SP2: variants seen among roughly 807,000 people sequenced by gnomAD.
The protein encoded by SP2 is transcription factor Sp2.
A neutral mutation model predicts 50.1 loss-of-function variants in SP2; 9 were observed. The observed-to-expected ratio is 0.18, with a 90% CI of 0.11 to 0.31. The LOEUF (loss-of-function observed/expected upper bound fraction) is 0.31. Among genes scored for constraint, SP2 ranks in the 10% least tolerant of loss-of-function variants. The pLI is 1.00. For synonymous variants in SP2, 313 were observed against 326.6 expected (o/e 0.96, Z 0.45); for missense variants, 581 against 806.5 (o/e 0.72, Z 3.39).
chr17:47,925,085 G>A lies in SP2; in HGVS notation c.1539G>A (p.Gly513=), dbSNP rs751119941. The part of the protein sequence containing the change: ...MACTCPNCKD[G]EKRSGEQGKK... ...GCACGTGTCCCAACTGCAAGGATGG[G>A]GAGAAGAGGTAATTCAAGGAGAAGG... The change falls in exon 5 of 7, where the codon GGG becomes GGA. Residue 513 remains glycine, a synonymous_variant. Coordinates refer to ENST00000376741, the MANE Select transcript of SP2 (RefSeq NM_003110.6). 1.2e-6 allele frequency: 2 copies of A among 1,608,668 alleles called. No homozygotes were observed. Among genetic ancestry groups the A allele is most frequent in the South Asian group, 2.2e-5 (2 of 90,538 alleles).
intron 6 of SP2, 111 bp downstream of exon 6, chr17:47,925,652 C>G: frequency 1.2e-6 from 1 of 818,672 alleles, no homozygotes. Context: ...AACTGCCACA[C>G]TGAGCAAAAG....
At chr17:47,897,285 C>A (rs1873807749) in intron 1 of SP2, 1 of 152,234 alleles carries the variant, frequency 6.6e-6, no homozygotes, top group South Asian at 2.1e-4. Context: ...AACTGAGAAA[C>A]CTGTCCTCAC....
intron 3 of SP2, among the ~76,000 whole-genome samples, chr17:47,917,524 T>G (rs1031845538): frequency 2.0e-5 from 3 of 152,192 alleles, no homozygotes; most frequent in African/African-American, 7.2e-5. Context: ...AGAAAAATGC[T>G]GATCATTATT....
chr17:47,905,836 T>C (rs2034738742), intron 1 of SP2, among the ~76,000 whole-genome samples: 1 of 152,126 alleles, frequency 6.6e-6, no homozygotes, highest in African/African-American at 2.4e-5. Context: ...AGAGTATAAA[T>C]GAGCTCTAAA....
chr17:47,924,799 A>C (rs911345789), intron 4 of SP2, 120 bp from the exon 5 acceptor site: 1 of 859,922 alleles, frequency 1.2e-6, no homozygotes, highest in Non-Finnish European at 1.8e-6. Context: ...TCCAACATAC[A>C]GCAGGCTCTC....
At chr17:47,911,667 G>A (rs571079654) in intron 1 of SP2, among the ~76,000 whole-genome samples, 2 of 152,008 alleles carry the variant, frequency 1.3e-5, no homozygotes, top group African/African-American at 2.4e-5. Flanking sequence ...TTAGCCGGGC[G>A]TGGTGGCGGG....
intron 3 of SP2, chr17:47,917,853 C>T: frequency 2.6e-6 from 1 of 387,332 alleles, no homozygotes; most frequent in Admixed American, 2.9e-5. Flanking sequence ...TTAATGTGCT[C>T]TAATACTCTG....
chr17:47,896,707 TGA>T (rs970700060), intron 1 of SP2, among the ~76,000 whole-genome samples: 4 of 152,210 alleles, frequency 2.6e-5, no homozygotes, highest in Non-Finnish European at 5.9e-5. Flanking sequence ...GCCCCGTGTC[TGA>T]GAGGCCTTCC....
At chr17:47,904,373 T>C (rs1158825617) in intron 1 of SP2, among the ~76,000 whole-genome samples, 4 of 151,796 alleles carry the variant, frequency 2.6e-5, no homozygotes, top group African/African-American at 9.7e-5. Context: ...TGCAGCCTGG[T>C]TGGAGCAGGT....
chr17:47,916,569 C>G lies in SP2; in HGVS notation c.498C>G (p.Ile166Met), dbSNP rs893044045. ...TCATCCCTGGCACCAACCAAGCCAT[C>G]ATCACCCCCTCACCGTCCAGTCACA... The part of the protein sequence containing the change: ...IQIIPGTNQA[I>M]ITPSPSSHKP... Residue 166 changes from isoleucine to methionine, a missense_variant, in exon 3 of 7, where the codon ATC becomes ATG. This residue lies in a region of SP2 where 397 missense variants were observed against 491.0 expected (regional missense o/e 0.81). Transcript: ENST00000376741. This position sits in a 1 kb window ranked among gnomAD's most constrained non-coding sequence, Gnocchi z 4.7. The G allele has an allele frequency of 3.8e-5, 61 of 1,614,072 alleles. No individual in the cohort carries two copies. Among genetic ancestry groups the G allele is most frequent in the Non-Finnish European group, 4.4e-5 (52 of 1,180,032 alleles).
Position 47,922,981 on chromosome 17 carries a change from C to T in SP2, c.1079C>T (p.Ser360Phe). ...TPTQVYIRTP[S>F]GEVQTVLVQD... ...TCCCAGGTCTACATCCGCACGCCTT[C>T]CGGTGAGGTGCAGACAGTCCTTGTC... is the stretch of plus-strand genomic sequence containing the variant. Residue 360 changes from serine to phenylalanine, a missense_variant, in exon 4 of 7, where the codon TCC becomes TTC. Around this residue, in one of 2 missense-constraint regions of SP2, gnomAD observed 397 missense variants for 491.0 expected, o/e 0.81. Coordinates refer to ENST00000376741, the MANE Select transcript of SP2 (RefSeq NM_003110.6). 1 of 1,612,968 alleles carries T rather than the reference C, an allele frequency of 6.2e-7. No individual in the cohort carries two copies. Among genetic ancestry groups the T allele is most frequent in the Non-Finnish European group, 8.5e-7 (1 of 1,179,048 alleles).
chr17:47,925,358 C>A lies in SP2; in HGVS notation c.1558C>A (p.Gln520Lys). Residue 520 changes from glutamine to lysine, a missense_variant, in exon 6 of 7, where the codon CAG (glutamine) becomes AAG (lysine). Physicochemically the swap from Gln to Lys is moderately conservative, Grantham distance 53. Around this residue, in one of 2 missense-constraint regions of SP2, gnomAD observed 184 missense variants for 315.5 expected, o/e 0.58. Coordinates refer to ENST00000376741, the MANE Select transcript of SP2 (RefSeq NM_003110.6). ...CKDGEKRSGE[Q>K]GKKKHVCHIP... ...CACCCCAATTCTCAGGTCTGGAGAGCAGGGCAAGAAGAAGCACGTGTGCCA... is the reference window on the plus strand; with the variant it reads ...CACCCCAATTCTCAGGTCTGGAGAGAAGGGCAAGAAGAAGCACGTGTGCCA... 1 of 1,612,976 alleles carries A rather than the reference C, an allele frequency of 6.2e-7. No homozygotes were observed. Among genetic ancestry groups the A allele is most frequent in the Non-Finnish European group, 8.5e-7 (1 of 1,179,322 alleles).
Position 47,916,856 on chromosome 17 carries a change from C to A in SP2, c.785C>A (p.Ala262Asp). The A allele has an allele frequency of 6.2e-7, 1 of 1,614,130 alleles. No homozygotes were observed. Among genetic ancestry groups the A allele is most frequent in the Non-Finnish European group, 8.5e-7 (1 of 1,179,940 alleles). Residue 262 changes from alanine (A) to aspartate (D), a missense_variant, in exon 3 of 7, where the codon GCT (alanine) becomes GAT (aspartate). Around this residue, in one of 2 missense-constraint regions of SP2, gnomAD observed 397 missense variants for 491.0 expected, o/e 0.81. Coordinates refer to ENST00000376741, the MANE Select transcript of SP2 (RefSeq NM_003110.6). This position sits in a 1 kb window ranked among gnomAD's most constrained non-coding sequence, Gnocchi z 4.7. ...GCCTCCCAGCCCCCTGTGGCTGTGG[C>A]TGAGCAGGTGGAGACGGTGCTGATC... is the stretch of plus-strand genomic sequence containing the variant. ...LPASQPPVAV[A>D]EQVETVLIET...
intron 3 of SP2, 63 bp downstream of exon 3, chr17:47,917,193 G>A: frequency 6.7e-7 from 1 of 1,489,356 alleles, no homozygotes; most frequent in Non-Finnish European, 9.1e-7. Flanking sequence ...GGCTTGCTTT[G>A]AAGATGATGC....
At chr17:47,922,044 C>G (rs766580213) in intron 3 of SP2, among the ~76,000 whole-genome samples, 30 of 152,194 alleles carry the variant, frequency 2.0e-4, no homozygotes, top group Non-Finnish European at 4.0e-4. Flanking sequence ...ACCAATGTCT[C>G]TAATTCCCAT....
At chr17:47,913,978 C>T (rs1030900788) in intron 1 of SP2, among the ~76,000 whole-genome samples, 2 of 152,200 alleles carry the variant, frequency 1.3e-5, no homozygotes, top group African/African-American at 4.8e-5. Flanking sequence ...TTTCATTCTC[C>T]TTGTTATATC....
At position 47,921,127 on chromosome 17, in the gene SP2, G is replaced by A. The variant is rs575368407; in HGVS notation, c.1060-1835G>A. Among the ~76,000 whole-genome samples, 6 of 152,282 alleles carry A rather than the reference G, an allele frequency of 3.9e-5. No individual in the cohort carries two copies. In the South Asian group the frequency reaches 1.2e-3, roughly 32 times the overall value. On this transcript the variant is annotated intron_variant, in intron 3 of 6. Transcript: ENST00000376741. ...ATATTTTCCCAACCTCAGCCTTAGG[G>A]TCAACCATTTCTTCTCAGATTCCTG...
At position 47,916,843 on chromosome 17, in the gene SP2, C is replaced by A. The variant is rs751397820; in HGVS notation, c.772C>A (p.Pro258Thr). ...RKKSLPASQP[P>T]VAVAEQVETV... The stretch of plus-strand genomic sequence containing the variant: ...GAAGAGCCTTCCTGCCTCCCAGCCC[C>A]CTGTGGCTGTGGCTGAGCAGGTGGA... Residue 258 changes from proline (P) to threonine (T), a missense_variant, in exon 3 of 7, where the codon CCT becomes ACT. Pro to Thr is a conservative substitution (Grantham distance 38). This residue lies in a region of SP2 where 397 missense variants were observed against 491.0 expected (regional missense o/e 0.81). Coordinates refer to ENST00000376741, the MANE Select transcript of SP2 (RefSeq NM_003110.6). The surrounding 1 kb of genome is among the most constrained non-coding windows in gnomAD (Gnocchi z 4.7). 1.9e-6 allele frequency: 3 copies of A among 1,614,080 alleles called. No individual in the cohort carries two copies. The highest frequency in any genetic ancestry group is 2.5e-6 in the Non-Finnish European group (3 of 1,180,032).
Position 47,916,115 on chromosome 17 carries a change from G to A in SP2, c.85-41G>A. On this transcript the variant is annotated intron_variant, in intron 2 of 6. Coordinates refer to ENST00000376741, the MANE Select transcript of SP2 (RefSeq NM_003110.6). The surrounding 1 kb of genome is among the most constrained non-coding windows in gnomAD (Gnocchi z 4.7). The stretch of plus-strand genomic sequence containing the variant: ...ATGGACAGAGGCGGCCGGGCAGCGG[G>A]CCTTCCTGTCTCACTCCTTTTCTCT... The A allele has an allele frequency of 6.4e-7, 1 of 1,561,424 alleles. No homozygotes were observed. Among genetic ancestry groups the A allele is most frequent in the Non-Finnish European group, 8.7e-7 (1 of 1,153,508 alleles).
Sources: gnomAD v4.1 joint callset for allele counts (sites outside exome capture counted in the v4.1 genomes callset) on GRCh38, gnomAD v4.1.1 for gene constraint, gnomAD v4.1.1 regional missense constraint, Gnocchi (gnomAD v3.1) non-coding constraint, MANE v1.5 for transcripts, NCBI Gene and HGNC (gene_info 2026-07-23, HGNC 2026-07-21) for gene names.